RP1: variants seen among roughly 807,000 people sequenced by gnomAD.
The protein encoded by RP1 is RP1 axonemal microtubule associated.
RP1 carries 16 observed loss-of-function variants against 14.8 expected under a neutral mutation model. The ratio of observed to expected loss-of-function variants is 1.08; its 90% CI spans 0.73 to 1.65. The LOEUF (loss-of-function observed/expected upper bound fraction) is 1.65. Ranked by LOEUF, RP1 falls within the 40% of genes most tolerant of loss-of-function variation. The pLI, the probability that RP1 is intolerant of heterozygous loss-of-function variation, is 0.00. For synonymous variants in RP1, 876 were observed against 883.6 expected, an observed-to-expected ratio of 0.99 and a Z score of 0.15; for missense variants, 2,631 against 2,535.0, an observed-to-expected ratio of 1.04 and a Z score of -0.81.
intron 12 of RP1, among the ~76,000 whole-genome samples, chr8:54,682,463 G>T (rs781089359): frequency 6.6e-6 from 1 of 151,930 alleles, no homozygotes; most frequent in African/African-American, 2.4e-5. Flanking sequence ...TCCCATTACC[G>T]AGTATATACC....
intron 22 of RP1, among the ~76,000 whole-genome samples, chr8:54,761,233 CTTTT>C (rs71554177): frequency 9.2e-6 from 1 of 109,172 alleles, no homozygotes. Flanking sequence ...CGCTACCTTA[CTTTT>C]TTTTTTTTTT....
At chr8:54,852,618 G>A in exon 26 of RP1, 1 of 1,231,982 alleles carries the variant, frequency 8.1e-7, no homozygotes, top group Non-Finnish European at 1.0e-6. Flanking sequence ...AATGACAGGT[G>A]CAGAAACAGA....
At chr8:54,608,090 G>A (rs113628289) in intron 1 of RP1, among the ~76,000 whole-genome samples, 1,999 of 151,942 alleles carry the variant, frequency 0.013, 46 homozygotes, top group African/African-American at 0.046. Context: ...ATATGAACCC[G>A]GTACCTCAGT....
chr8:54,863,823 A>G (rs770856901), intron 27 of RP1, among the ~76,000 whole-genome samples: 5 of 152,210 alleles, frequency 3.3e-5, no homozygotes, highest in African/African-American at 4.8e-5. Flanking sequence ...TCTACAAATC[A>G]CTATGTGGAT....
chr8:54,799,312 T>C (rs1810646527), intron 24 of RP1, among the ~76,000 whole-genome samples: 1 of 152,086 alleles, frequency 6.6e-6, no homozygotes, highest in Non-Finnish European at 1.5e-5. Flanking sequence ...ATCTGTTCTT[T>C]ACCAAATACC....
At chr8:54,573,022 G>C (rs949675669) in intron 1 of RP1, among the ~76,000 whole-genome samples, 1 of 152,068 alleles carries the variant, frequency 6.6e-6, no homozygotes, top group South Asian at 2.1e-4. Context: ...ACTAATAATA[G>C]TGTCTTGACT....
In RP1 at chr8:54,857,054, A is replaced by T. The variant is rs1045864361; in HGVS notation, c.4017A>T (p.Val1339=). The T allele has an allele frequency of 1.9e-5, 23 of 1,210,990 alleles. No individual in the cohort carries two copies. In the East Asian group the frequency reaches 7.3e-4, roughly 39 times the overall value. The allele number at this position is 1,210,990 out of a possible 1,614,324, so 75.0% of individuals were successfully genotyped here. ...TTGATATTTTTTCCATTAAGGCTGT[A>T]TCTCTCGGAAAATTGAAGAAAGTTC... Residue 1339 remains valine, a synonymous_variant, in exon 27 of 29, where the codon GTA becomes GTT. Coordinates refer to the RP1 transcript ENST00000637698.
intron 12 of RP1, among the ~76,000 whole-genome samples, chr8:54,686,430 T>C (rs1318148591): frequency 2.0e-5 from 3 of 152,006 alleles, no homozygotes; most frequent in African/African-American, 4.8e-5. Flanking sequence ...TTCTATTTAG[T>C]TATTCAGCTG....
chr8:54,576,273 C>CT (rs1396134494), intron 1 of RP1, among the ~76,000 whole-genome samples: 1 of 152,144 alleles, frequency 6.6e-6, no homozygotes, highest in African/African-American at 2.4e-5. Context: ...TCTCGATCTC[C>CT]TGACTTCGTG....
At chr8:54,836,018 A>G (rs981769699) in intron 24 of RP1, among the ~76,000 whole-genome samples, 1 of 152,216 alleles carries the variant, frequency 6.6e-6, no homozygotes, top group Admixed American at 6.5e-5. Context: ...GACTGTGATG[A>G]ACTGTGTCTC....
chr8:54,627,944 T>A lies in RP1; in HGVS notation c.4062T>A (p.Asp1354Glu). 6.2e-7 allele frequency: 1 copy of A among 1,614,084 alleles called. No homozygotes were observed. The highest frequency in any genetic ancestry group is 8.5e-7 in the Non-Finnish European group (1 of 1,179,972). ...ACTCCAAAGAAAACACATATACTGA[T>A]AACTTGGATTCAACTGAAGAGTTAG... ...FLNSKENTYT[D>E]NLDSTEELER... Residue 1354 changes from aspartate (D) to glutamate (E), a missense_variant, in exon 4 of 4, where the codon GAT becomes GAA. Transcript: ENST00000220676.
intron 25 of RP1, among the ~76,000 whole-genome samples, chr8:54,838,153 A>G (rs1811706626): frequency 6.6e-6 from 1 of 152,224 alleles, no homozygotes; most frequent in Non-Finnish European, 1.5e-5. Context: ...TGTTCAGCTC[A>G]TCTTTCTGTA....
At chr8:54,680,027 T>A in intron 12 of RP1, 1 of 1,423,864 alleles carries the variant, frequency 7.0e-7, no homozygotes, top group Non-Finnish European at 9.2e-7. Flanking sequence ...AGTTTTGTTC[T>A]TTTTACAGAT....
intron 24 of RP1, among the ~76,000 whole-genome samples, chr8:54,825,739 CT>C (rs1415288021): frequency 6.6e-6 from 1 of 152,072 alleles, no homozygotes; most frequent in African/African-American, 2.4e-5. Flanking sequence ...GTTTATTTTT[CT>C]TTAGTTGTAT....
chr8:54,707,312 G>A (rs1298554910), intron 15 of RP1, among the ~76,000 whole-genome samples: 1 of 151,944 alleles, frequency 6.6e-6, no homozygotes, highest in Non-Finnish European at 1.5e-5. Flanking sequence ...TTTGTAGAGA[G>A]AGGGTCTCGC....
At chr8:54,741,707 G>GTGTGTATATATATATATA (rs1554528860) in intron 19 of RP1, among the ~76,000 whole-genome samples, 1 of 58,034 alleles carries the variant, frequency 1.7e-5, no homozygotes, top group Non-Finnish European at 3.2e-5. Context: ...AAATGTGTGT[G>GTGTGTATATATATATATA]TATATATATA....
intron 23 of RP1, among the ~76,000 whole-genome samples, chr8:54,783,070 G>A (rs368501961): frequency 9.2e-5 from 14 of 151,948 alleles, no homozygotes; most frequent in African/African-American, 3.4e-4. Flanking sequence ...GTTCTTTTTT[G>A]CCTTGTTTTT....
chr8:54,693,655 TG>T (rs758350584), intron 12 of RP1, among the ~76,000 whole-genome samples: 1 of 152,216 alleles, frequency 6.6e-6, no homozygotes, highest in Non-Finnish European at 1.5e-5. Context: ...TTGTGATTTT[TG>T]TACATTGATT....
At position 54,764,891 on chromosome 8, in the gene RP1, G is replaced by T. The variant is rs913788852; in HGVS notation, c.3249-4850G>T. Among the ~76,000 whole-genome samples the T allele has an allele frequency of 1.5e-4, 22 of 146,298 alleles. 1 individual carries two copies. Among genetic ancestry groups the T allele is most frequent in the African/African-American group, 5.1e-4 (20 of 39,440 alleles). On this transcript the variant is annotated intron_variant, in intron 22 of 22. Transcript: ENST00000636932. ...ACAAGAAGCCAAAGAGTAATTCTTA[G>T]AATTAGCATGAGTTAAAAAGAAAAA... is the stretch of plus-strand genomic sequence containing the variant.
Sources: gnomAD v4.1 joint callset for allele counts (sites outside exome capture counted in the v4.1 genomes callset) on GRCh38, gnomAD v4.1.1 for gene constraint, MANE v1.5 for transcripts, NCBI Gene and HGNC (gene_info 2026-07-23, HGNC 2026-07-21) for gene names.